The following MBNL3 variants were observed in gnomAD, a reference collection of about 807,000 sequenced individuals.
MBNL3 encodes muscleblind-like protein 3.
A neutral mutation model predicts 24.5 loss-of-function variants in MBNL3; 6 were observed. The ratio of observed to expected loss-of-function variants is 0.25; its 90% CI spans 0.13 to 0.48. The LOEUF (loss-of-function observed/expected upper bound fraction) is 0.48, where lower values mean the gene tolerates loss of function less well. Among genes scored for constraint, MBNL3 ranks in the 20% least tolerant of loss-of-function variants. The pLI is 0.99. For synonymous variants in MBNL3, 100 were observed against 101.7 expected (o/e 0.98, Z 0.10); for missense variants, 230 against 293.5 (o/e 0.78, Z 1.58).
chrX:132,399,991 GAGA>G (rs1184958837), intron 3 of MBNL3, among the ~76,000 whole-genome samples: 1 of 110,325 alleles, frequency 9.1e-6, no homozygotes, highest in East Asian at 2.8e-4. Context: ...AGCCCCAGAG[GAGA>G]AGGACACAAA....
intron 3 of MBNL3, among the ~76,000 whole-genome samples, chrX:132,403,533 T>C (rs1941296372): frequency 8.9e-6 from 1 of 111,906 alleles, no homozygotes; most frequent in South Asian, 3.8e-4. Context: ...GAAGAAAAGA[T>C]AGGGAAACAT....
At chrX:132,455,725 C>T (rs927407338) in intron 1 of MBNL3, among the ~76,000 whole-genome samples, 1 of 111,966 alleles carries the variant, frequency 8.9e-6, no homozygotes, top group African/African-American at 3.2e-5. Context: ...ATTGACAGCT[C>T]ATATTCATGT....
chrX:132,447,324 A>T (rs755571690), intron 1 of MBNL3, among the ~76,000 whole-genome samples: 36 of 111,897 alleles, frequency 3.2e-4, no homozygotes, highest in African/African-American at 1.1e-3. Context: ...GATAGCATTG[A>T]ATCTATAAAT....
chrX:132,456,634 C>G (rs1393300061), intron 1 of MBNL3, among the ~76,000 whole-genome samples: 2 of 111,911 alleles, frequency 1.8e-5, no homozygotes, highest in African/African-American at 6.5e-5. Context: ...CAGTCTTTCA[C>G]AAATTTTAAT....
Position 132,377,197 on chromosome X carries a change from C to T in MBNL3, c.*2469G>A, listed in dbSNP as rs1397527086. On this transcript the variant is annotated 3_prime_UTR_variant, in exon 9 of 9. Coordinates refer to ENST00000370853, the MANE Select transcript of MBNL3 (RefSeq NM_001386889.1). ...CCAGACTAGCTCAGGTGCATCCCTC[C>T]TGGATTCATGTAATCAGATCTGCCC... 8.9e-6 allele frequency: 1 copy of T among 111,796 alleles called. No homozygotes were observed. The allele number at this position is 111,796 out of a possible 1,213,427, so 9.2% of individuals were successfully genotyped here.
At chrX:132,447,930 T>C (rs1945824138) in intron 1 of MBNL3, among the ~76,000 whole-genome samples, 1 of 112,308 alleles carries the variant, frequency 8.9e-6, no homozygotes, top group South Asian at 3.7e-4. Flanking sequence ...GTTCCATGAA[T>C]ACCTAGGTTA....
At chrX:132,391,991 G>T in intron 4 of MBNL3, 152 bp downstream of exon 4, 1 of 415,961 alleles carries the variant, frequency 2.4e-6, no homozygotes, top group Non-Finnish European at 4.0e-6. Flanking sequence ...TTATAACAAG[G>T]TATGATTGCA....
intron 2 of MBNL3, among the ~76,000 whole-genome samples, chrX:132,423,175 A>G (rs1017063969): frequency 4.5e-5 from 5 of 110,612 alleles, no homozygotes. Flanking sequence ...CTATTCTACT[A>G]CTCCTAGGAA....
chrX:132,428,083 G>T (rs1386824305), intron 2 of MBNL3, among the ~76,000 whole-genome samples: 1 of 111,165 alleles, frequency 9.0e-6, no homozygotes, highest in African/African-American at 3.3e-5. Flanking sequence ...GCTTATTTAT[G>T]ATATACAAAA....
intron 3 of MBNL3, among the ~76,000 whole-genome samples, chrX:132,396,967 TA>T (rs1569426959): frequency 4.6e-4 from 38 of 83,147 alleles, no homozygotes; most frequent in African/African-American, 1.6e-3. Context: ...TTCATATATA[TA>T]TGAATATATA....
intron 1 of MBNL3, among the ~76,000 whole-genome samples, chrX:132,457,511 T>C (rs1393286894): frequency 9.0e-6 from 1 of 111,044 alleles, no homozygotes; most frequent in African/African-American, 3.3e-5. Context: ...TTTACATTTA[T>C]ACTGAAGTGA....
chrX:132,391,052 G>A lies in MBNL3; in HGVS notation c.566C>T (p.Thr189Ile). 5.8e-6 allele frequency: 7 copies of A among 1,210,983 alleles called. No individual in the cohort carries two copies. Among genetic ancestry groups the A allele is most frequent in the Non-Finnish European group, 7.8e-6 (7 of 895,137 alleles). Reference sequence around the variant, plus strand: ...ATAGCGGCAATCATTCTCCCCACGGGTACAATTTCCACGCTGAAATTCTCG... The same window carrying A: ...ATAGCGGCAATCATTCTCCCCACGGATACAATTTCCACGCTGAAATTCTCG... ...VCREFQRGNC[T>I]RGENDCRYAH... is the part of the protein sequence containing the mutation. The change falls in exon 5 of 9, where the codon ACC (threonine) becomes ATC (isoleucine). Residue 189 changes from threonine to isoleucine, a missense_variant. Transcript: ENST00000370853.
In MBNL3 at chrX:132,487,702, G is replaced by A. The variant is rs779885034; in HGVS notation, c.-704+1149C>T. ...TATGAAAGCATCCCCCAAAAGTATCGCACATTAGAAAAAAGTTAAAAATTA... is the reference window on the plus strand; with the variant it reads ...TATGAAAGCATCCCCCAAAAGTATCACACATTAGAAAAAAGTTAAAAATTA... On this transcript the variant is annotated intron_variant, in intron 1 of 8. Coordinates refer to ENST00000370853, the MANE Select transcript of MBNL3 (RefSeq NM_001386889.1). Among the ~76,000 whole-genome samples the A allele has an allele frequency of 8.0e-5, 9 of 111,857 alleles. No individual in the cohort carries two copies. In the East Asian group the frequency reaches 2.3e-3, roughly 28 times the overall value.
chrX:132,444,764 A>T (rs1945605487), intron 1 of MBNL3, among the ~76,000 whole-genome samples: 1 of 112,086 alleles, frequency 8.9e-6, no homozygotes, highest in Non-Finnish European at 1.9e-5. Context: ...CATACATAAT[A>T]GATTCTCTAT....
chrX:132,441,044 G>A (rs1268742457), intron 1 of MBNL3, among the ~76,000 whole-genome samples: 2 of 112,025 alleles, frequency 1.8e-5, no homozygotes, highest in Non-Finnish European at 3.8e-5. Flanking sequence ...ATGCAATTAA[G>A]TATCACCTGA....
intron 3 of MBNL3, among the ~76,000 whole-genome samples, chrX:132,392,854 A>G (rs1937407841): frequency 9.0e-6 from 1 of 111,495 alleles, no homozygotes; most frequent in African/African-American, 3.3e-5. Flanking sequence ...TGGCCCACTG[A>G]CAATTATGGA....
intron 1 of MBNL3, among the ~76,000 whole-genome samples, chrX:132,449,700 C>G (rs781428551): frequency 1.8e-5 from 2 of 109,462 alleles, no homozygotes; most frequent in African/African-American, 6.7e-5. Flanking sequence ...CATTATGATG[C>G]TAGCTGGTTA....
chrX:132,489,729 G>A (rs964385229), upstream of MBNL3: 4 of 108,738 alleles, frequency 3.7e-5, no homozygotes, highest in Non-Finnish European at 7.7e-5. Context: ...GCGGGCATCC[G>A]GAGCGCCGGA....
At chrX:132,423,086 C>T in intron 2 of MBNL3, among the ~76,000 whole-genome samples, 1 of 111,794 alleles carries the variant, frequency 8.9e-6, no homozygotes, top group East Asian at 2.8e-4. Context: ...TTCTACATCT[C>T]TGACATCAGT....
Sources: gnomAD v4.1 joint callset for allele counts (sites outside exome capture counted in the v4.1 genomes callset) on GRCh38, gnomAD v4.1.1 for gene constraint, MANE v1.5 for transcripts, NCBI Gene and HGNC (gene_info 2026-07-23, HGNC 2026-07-21) for gene names.